The following PTPN4 variants were observed in gnomAD, a reference collection of about 807,000 sequenced individuals.
PTPN4 encodes the protein protein tyrosine phosphatase non-receptor type 4, also known as tyrosine-protein phosphatase non-receptor type 4.
Under a neutral mutation model 135.5 loss-of-function variants are expected in PTPN4, and 49 were observed. The observed-to-expected ratio is 0.36, with a 90% CI of 0.29 to 0.46. The LOEUF is 0.46. Among genes scored for constraint, PTPN4 ranks in the 20% least tolerant of loss-of-function variants. The pLI is 1.00. For missense variants in PTPN4, 860 were observed against 1,101.0 expected (o/e 0.78, Z 3.10); for synonymous variants, 333 against 369.9 (o/e 0.90, Z 1.14).
At chr2:119,848,610 A>AT (rs1186272111) in intron 2 of PTPN4, among the ~76,000 whole-genome samples, 11 of 141,424 alleles carry the variant, frequency 7.8e-5, no homozygotes, top group Non-Finnish European at 1.3e-4. Context: ...CTTTTTATTT[A>AT]TTTTTTTTGA....
chr2:119,956,793 G>C, intron 20 of PTPN4, 51 bp from the exon 21 acceptor site: 1 of 1,572,624 alleles, frequency 6.4e-7, no homozygotes, highest in Admixed American at 2.1e-5. Flanking sequence ...AAACAAAAGA[G>C]AAATTGTTTA....
At chr2:119,849,522 G>A (rs1038696700) in intron 2 of PTPN4, among the ~76,000 whole-genome samples, 2 of 151,978 alleles carry the variant, frequency 1.3e-5, no homozygotes, top group African/African-American at 2.4e-5. Flanking sequence ...GGCTGATGTC[G>A]AACTCCTGGG....
chr2:119,904,463 TA>T (rs370240620), intron 10 of PTPN4, among the ~76,000 whole-genome samples: 78 of 147,498 alleles, frequency 5.3e-4, no homozygotes, highest in African/African-American at 1.3e-3. Flanking sequence ...GGCAAAGGCA[TA>T]AAAAAAAAAC....
intron 15 of PTPN4, among the ~76,000 whole-genome samples, chr2:119,937,280 G>A (rs936959149): frequency 2.6e-5 from 4 of 152,178 alleles, no homozygotes; most frequent in African/African-American, 2.4e-5. Flanking sequence ...TTTAAATGAT[G>A]TATTGGATTA....
intron 10 of PTPN4, among the ~76,000 whole-genome samples, chr2:119,906,432 G>A (rs758865401): frequency 1.5e-4 from 23 of 151,808 alleles, no homozygotes; most frequent in Non-Finnish European, 2.7e-4. Context: ...TCAATAATAC[G>A]TGAAAAAGAA....
chr2:119,885,242 G>A (rs776678780), intron 8 of PTPN4, among the ~76,000 whole-genome samples: 8 of 152,092 alleles, frequency 5.3e-5, no homozygotes, highest in East Asian at 3.8e-4. Context: ...AAACAAAGAC[G>A]TAAAAAATAC....
intron 25 of PTPN4, among the ~76,000 whole-genome samples, chr2:119,966,211 G>A (rs62169079): frequency 0.16 from 24,723 of 152,066 alleles, 2,560 homozygotes; most frequent in Non-Finnish European, 0.24. Flanking sequence ...TTTTATATAA[G>A]CGCTTTAATC....
At chr2:119,970,950 C>T (rs1190635131) in intron 26 of PTPN4, among the ~76,000 whole-genome samples, 1 of 152,226 alleles carries the variant, frequency 6.6e-6, no homozygotes, top group Non-Finnish European at 1.5e-5. Flanking sequence ...TCATCATCAA[C>T]ACGTGTTACT....
intron 3 of PTPN4, among the ~76,000 whole-genome samples, chr2:119,865,910 A>G (rs1372817296): frequency 6.6e-6 from 1 of 152,076 alleles, no homozygotes; most frequent in South Asian, 2.1e-4. Flanking sequence ...TGAAATAACA[A>G]ATACAGAATA....
In PTPN4 at chr2:119,850,346, G is replaced by A. The variant is rs147685367; in HGVS notation, c.139-12190G>A. ...CCTACATGGAATTTCTGCCCTATGA[G>A]TAAGCTGAGGCAAGGGTGATTAGGG... is the stretch of plus-strand genomic sequence containing the variant. On this transcript the variant is annotated intron_variant, in intron 2 of 26. Coordinates refer to ENST00000263708, the MANE Select transcript of PTPN4 (RefSeq NM_002830.4). Among the ~76,000 whole-genome samples, 226 of 152,336 alleles carry A rather than the reference G, an allele frequency of 1.5e-3. 1 individual carries two copies. Among genetic ancestry groups the A allele is most frequent in the African/African-American group, 5.2e-3 (217 of 41,578 alleles).
At chr2:119,763,485 G>T (rs1166230385) in intron 1 of PTPN4, among the ~76,000 whole-genome samples, 1 of 152,170 alleles carries the variant, frequency 6.6e-6, no homozygotes, top group Non-Finnish European at 1.5e-5. Flanking sequence ...GCTTTATGAG[G>T]TAGGTATTAT....
chr2:119,886,167 G>A (rs1678152656), intron 9 of PTPN4, among the ~76,000 whole-genome samples: 1 of 152,092 alleles, frequency 6.6e-6, no homozygotes. Context: ...AAATATAATT[G>A]TTAGGCTATA....
chr2:119,764,247 A>T (rs1219072637), intron 1 of PTPN4, among the ~76,000 whole-genome samples: 1 of 152,216 alleles, frequency 6.6e-6, no homozygotes, highest in Non-Finnish European at 1.5e-5. Context: ...GCAGTACTTT[A>T]TGATGGAACA....
chr2:119,949,350 C>CG (rs1360282940), intron 18 of PTPN4, among the ~76,000 whole-genome samples: 4 of 152,010 alleles, frequency 2.6e-5, no homozygotes, highest in African/African-American at 7.2e-5. Context: ...TTTAGGCAAT[C>CG]GGGGGAAAAG....
intron 2 of PTPN4, among the ~76,000 whole-genome samples, chr2:119,820,000 T>A (rs1677040714): frequency 6.6e-6 from 1 of 152,158 alleles, no homozygotes; most frequent in South Asian, 2.1e-4. Flanking sequence ...TAGCTGAGAC[T>A]ACGGGCATGC....
intron 1 of PTPN4, among the ~76,000 whole-genome samples, chr2:119,785,089 G>A (rs748611257): frequency 2.6e-5 from 4 of 152,100 alleles, no homozygotes; most frequent in Admixed American, 1.3e-4. Context: ...TGTGCAATCC[G>A]TGATGTCTAA....
At chr2:119,778,916 A>T (rs1159082839) in intron 1 of PTPN4, among the ~76,000 whole-genome samples, 1 of 127,534 alleles carries the variant, frequency 7.8e-6, no homozygotes, top group Non-Finnish European at 1.7e-5. Flanking sequence ...TACCAGGAAT[A>T]CTTTGTTGTC....
chr2:119,954,245 G>GCC (rs1032502607), intron 19 of PTPN4, among the ~76,000 whole-genome samples: 1 of 152,094 alleles, frequency 6.6e-6, no homozygotes, highest in Non-Finnish European at 1.5e-5. Flanking sequence ...GGGTAAAGAG[G>GCC]CCCCTACCTT....
chr2:119,966,410 C>T (rs1679446651), intron 25 of PTPN4, among the ~76,000 whole-genome samples: 1 of 152,152 alleles, frequency 6.6e-6, no homozygotes. Flanking sequence ...AGGTGTACCA[C>T]CAAGCCTGGC....
Sources: gnomAD v4.1 joint callset for allele counts (sites outside exome capture counted in the v4.1 genomes callset) on GRCh38, gnomAD v4.1.1 for gene constraint, MANE v1.5 for transcripts, NCBI Gene and HGNC (gene_info 2026-07-23, HGNC 2026-07-21) for gene names.